The following DPP10 variants were observed in gnomAD, a reference collection of about 807,000 sequenced individuals.
The protein encoded by DPP10 is dipeptidyl peptidase like 10, also known as inactive dipeptidyl peptidase 10.
DPP10 carries 33 observed loss-of-function variants against 120.9 expected under a neutral mutation model. The observed-to-expected ratio is 0.27, with a 90% CI of 0.21 to 0.37. The LOEUF is 0.37. Among genes scored for constraint, DPP10 ranks in the 10% least tolerant of loss-of-function variants. DPP10 has a pLI of 1.00. For synonymous variants in DPP10, 337 were observed against 326.1 expected (o/e 1.03, Z -0.36); for missense variants, 816 against 942.8 (o/e 0.87, Z 1.76).
chr2:114,542,764 G>A (rs1052563697), intron 1 of DPP10, among the ~76,000 whole-genome samples: 4 of 152,120 alleles, frequency 2.6e-5, no homozygotes, highest in Non-Finnish European at 4.4e-5. Context: ...TCTCAAACAC[G>A]AATAGTTACT....
intron 1 of DPP10, among the ~76,000 whole-genome samples, chr2:114,586,735 A>C (rs1360533969): frequency 6.6e-6 from 1 of 152,146 alleles, no homozygotes; most frequent in Non-Finnish European, 1.5e-5. Flanking sequence ...ATCCTTCATG[A>C]ATGGCTTGGA....
intron 1 of DPP10, among the ~76,000 whole-genome samples, chr2:115,065,253 T>G (rs1479795966): frequency 6.6e-6 from 1 of 151,980 alleles, no homozygotes; most frequent in Non-Finnish European, 1.5e-5. Context: ...ACTCATAGAG[T>G]TTTTTAATTA....
chr2:115,291,244 T>G (rs905196418), intron 1 of DPP10, among the ~76,000 whole-genome samples: 2 of 152,100 alleles, frequency 1.3e-5, no homozygotes, highest in Non-Finnish European at 2.9e-5. Context: ...GCTCAAGCAA[T>G]TCTCCTGCCT....
chr2:115,454,997 A>C (rs1468229791), intron 3 of DPP10, among the ~76,000 whole-genome samples: 2 of 151,254 alleles, frequency 1.3e-5, no homozygotes, highest in Admixed American at 1.3e-4. Flanking sequence ...AAAATTAAGA[A>C]TATAATGTAA....
intron 3 of DPP10, among the ~76,000 whole-genome samples, chr2:115,361,397 G>A (rs2064755973): frequency 1.3e-5 from 2 of 152,130 alleles, no homozygotes; most frequent in Admixed American, 1.3e-4. Context: ...AGGTGGGGCA[G>A]TAGAGGTTGC....
At chr2:114,921,729 TG>T (rs1695208062) in intron 1 of DPP10, among the ~76,000 whole-genome samples, 1 of 152,226 alleles carries the variant, frequency 6.6e-6, no homozygotes. Flanking sequence ...ACTTCACCTT[TG>T]GACCGTAGGT....
At chr2:115,752,807 AC>A (rs1348482502) in intron 10 of DPP10, among the ~76,000 whole-genome samples, 16 of 152,166 alleles carry the variant, frequency 1.1e-4, no homozygotes, top group African/African-American at 3.9e-4. Context: ...CTTGTTTTGC[AC>A]TTAAAGGAGT....
At chr2:115,081,294 C>T (rs1198289827) in intron 1 of DPP10, among the ~76,000 whole-genome samples, 1 of 152,128 alleles carries the variant, frequency 6.6e-6, no homozygotes, top group African/African-American at 2.4e-5. Flanking sequence ...GGTTAGTAAT[C>T]TCTCTCATGT....
At chr2:115,216,519 C>G (rs552954578) in intron 1 of DPP10, among the ~76,000 whole-genome samples, 1 of 152,170 alleles carries the variant, frequency 6.6e-6, no homozygotes, top group Non-Finnish European at 1.5e-5. Flanking sequence ...TGCAGTGGCT[C>G]GTGCCTGTAA....
intron 1 of DPP10, among the ~76,000 whole-genome samples, chr2:115,190,631 G>T (rs1213917613): frequency 6.6e-6 from 1 of 152,148 alleles, no homozygotes; most frequent in East Asian, 1.9e-4. Context: ...GGCCCTCGGG[G>T]GCTGACCCAC....
intron 1 of DPP10, among the ~76,000 whole-genome samples, chr2:114,480,112 T>G (rs1680887660): frequency 6.6e-6 from 1 of 152,180 alleles, no homozygotes. Flanking sequence ...AGAATGCTCA[T>G]CATCACTGGC....
chr2:114,693,195 T>C (rs115836865), intron 1 of DPP10, among the ~76,000 whole-genome samples: 4,952 of 152,048 alleles, frequency 0.033, 123 homozygotes, highest in Middle Eastern at 0.068. Flanking sequence ...TATTTCAGTG[T>C]GGTTTTTTAG....
At chr2:115,122,380 C>A (rs948317631) in intron 1 of DPP10, among the ~76,000 whole-genome samples, 2 of 152,216 alleles carry the variant, frequency 1.3e-5, no homozygotes, top group East Asian at 3.9e-4. Flanking sequence ...TACCCCTAAC[C>A]TTGGTCCCAT....
chr2:114,620,405 C>A (rs528183345), intron 1 of DPP10, among the ~76,000 whole-genome samples: 1 of 151,914 alleles, frequency 6.6e-6, no homozygotes, highest in African/African-American at 2.4e-5. Context: ...TTAATTATCG[C>A]CTTATTTGAA....
intron 7 of DPP10, among the ~76,000 whole-genome samples, chr2:115,701,944 A>G (rs1030565512): frequency 2.6e-5 from 4 of 152,094 alleles, no homozygotes; most frequent in African/African-American, 9.7e-5. Context: ...AACTGAATAT[A>G]GATGCCTTGA....
Position 114,608,321 on chromosome 2 carries a change from G to A in DPP10, c.60+165483G>A, listed in dbSNP as rs74622520. ...CCACTAACCCACCAAGTACAGATTTGTTCTCCAAATTCAGAAATGAACAAA... is the reference window on the plus strand; with the variant it reads ...CCACTAACCCACCAAGTACAGATTTATTCTCCAAATTCAGAAATGAACAAA... On this transcript the variant is annotated intron_variant, in intron 1 of 25. Transcript: ENST00000410059. Among the ~76,000 whole-genome samples, 11 of 152,234 alleles carry A rather than the reference G, an allele frequency of 7.2e-5. No homozygotes were observed. In the East Asian group the frequency reaches 2.1e-3, roughly 29 times the overall value.
intron 7 of DPP10, among the ~76,000 whole-genome samples, chr2:115,713,250 A>G (rs1284728677): frequency 1.3e-5 from 2 of 152,112 alleles, no homozygotes; most frequent in Non-Finnish European, 2.9e-5. Context: ...AGGAAGACCT[A>G]GACGTCAGTT....
At chr2:114,931,188 A>G (rs906375960) in intron 1 of DPP10, among the ~76,000 whole-genome samples, 2 of 152,098 alleles carry the variant, frequency 1.3e-5, no homozygotes, top group Non-Finnish European at 2.9e-5. Flanking sequence ...ATTCCTTGGT[A>G]CCAATTTTCT....
chr2:114,607,418 A>C (rs1415020334), intron 1 of DPP10, among the ~76,000 whole-genome samples: 1 of 152,172 alleles, frequency 6.6e-6, no homozygotes, highest in Non-Finnish European at 1.5e-5. Context: ...GGCTAGATTT[A>C]AGTATGAAGT....
Sources: gnomAD v4.1 joint callset for allele counts (sites outside exome capture counted in the v4.1 genomes callset) on GRCh38, gnomAD v4.1.1 for gene constraint, MANE v1.5 for transcripts, NCBI Gene and HGNC (gene_info 2026-07-23, HGNC 2026-07-21) for gene names.